The following DNM1L variants were observed in gnomAD, a reference collection of about 807,000 sequenced individuals.
DNM1L encodes dynamin 1L.
A neutral mutation model predicts 92.8 loss-of-function variants in DNM1L; 33 were observed. That is an observed-to-expected ratio of 0.36 (90% CI 0.27 to 0.48). The LOEUF is 0.48. DNM1L is among the 20% of genes least tolerant of loss of function. The pLI, the probability that DNM1L is intolerant of heterozygous loss-of-function variation, is 0.99. For missense variants in DNM1L, 485 were observed against 888.8 expected, an observed-to-expected ratio of 0.55 and a Z score of 5.78; for synonymous variants, 284 against 305.0, an observed-to-expected ratio of 0.93 and a Z score of 0.72.
chr12:32,680,473 G>C (rs1326429062), intron 1 of DNM1L, among the ~76,000 whole-genome samples: 2 of 152,168 alleles, frequency 1.3e-5, no homozygotes, highest in Non-Finnish European at 2.9e-5. Flanking sequence ...CAAAGTATTA[G>C]TGGCTATCCA....
intron 1 of DNM1L, among the ~76,000 whole-genome samples, chr12:32,697,219 ACT>A (rs1017199791): frequency 3.3e-5 from 5 of 151,956 alleles, no homozygotes; most frequent in African/African-American, 1.2e-4. Flanking sequence ...ATAGAGCGAG[ACT>A]CTCTAAAAAA....
intron 7 of DNM1L, among the ~76,000 whole-genome samples, chr12:32,719,365 G>A (rs1284438246): frequency 6.6e-6 from 1 of 152,156 alleles, no homozygotes; most frequent in Non-Finnish European, 1.5e-5. Flanking sequence ...TATGTATGAG[G>A]AGGTACTGGG....
rs1245616307 is a variant in DNM1L, at chr12:32,701,688, T to C, written c.250+126T>C. 3 of 845,308 alleles carry C rather than the reference T, an allele frequency of 3.5e-6. No homozygotes were observed. In the East Asian group the frequency reaches 8.0e-5, roughly 22 times the overall value. The allele number at this position is 845,308 out of a possible 1,614,324, so 52.4% of individuals were successfully genotyped here. On this transcript the variant is annotated intron_variant, in intron 2 of 19. Coordinates refer to ENST00000549701, the MANE Select transcript of DNM1L (RefSeq NM_012062.5). ...GCATAGTTAGAAGTCCTGTGAGAAGTAGTATGCATCTTTCTTAATGTAAAA... is the reference window on the plus strand; with the variant it reads ...GCATAGTTAGAAGTCCTGTGAGAAGCAGTATGCATCTTTCTTAATGTAAAA...
chr12:32,726,352 T>G, intron 9 of DNM1L: 2 of 1,563,816 alleles, frequency 1.3e-6, no homozygotes, highest in South Asian at 1.1e-5. Context: ...ACAGTGCAGG[T>G]TATCCTCAAG....
chr12:32,694,206 A>G (rs1421250298), intron 1 of DNM1L, among the ~76,000 whole-genome samples: 1 of 152,022 alleles, frequency 6.6e-6, no homozygotes, highest in African/African-American at 2.4e-5. Context: ...GCCTCAGCCT[A>G]TCCTGAGTAG....
chr12:32,696,383 AACACACAC>A lies in DNM1L; in HGVS notation c.103-5006_103-4999del, dbSNP rs58224525. Among the ~76,000 whole-genome samples the A allele has an allele frequency of 3.2e-4, 46 of 145,116 alleles. No homozygotes were observed. The South Asian group carries it at 3.6e-3, about 11-fold the overall frequency. On this transcript the variant is annotated intron_variant, in intron 1 of 19. Transcript: ENST00000549701. ...GAGACCCTGTCTACACACACACACA[AACACACAC>A]ACACACACACACACACACACACACA...
rs538245855 is a variant in DNM1L, at chr12:32,738,239, C to T, written c.1675-25C>T. On this transcript the variant is annotated intron_variant, in intron 15 of 19. Transcript: ENST00000549701. ...TATTTAAATTTTGCTTGTTAAATTGCATGTTTTAACATATCTTTTAACAGT... is the reference window on the plus strand; with the variant it reads ...TATTTAAATTTTGCTTGTTAAATTGTATGTTTTAACATATCTTTTAACAGT... 58 of 1,612,218 alleles carry T rather than the reference C, an allele frequency of 3.6e-5. No individual in the cohort carries two copies. In the East Asian group the frequency reaches 5.4e-4, roughly 15 times the overall value.
At chr12:32,727,396 G>T in intron 9 of DNM1L, 1 of 768,472 alleles carries the variant, frequency 1.3e-6, no homozygotes, top group Admixed American at 1.7e-5. Flanking sequence ...CCAAATATCA[G>T]TGGCTACTAT....
At chr12:32,704,349 A>G (rs1312006308) in intron 2 of DNM1L, among the ~76,000 whole-genome samples, 1 of 152,136 alleles carries the variant, frequency 6.6e-6, no homozygotes, top group Non-Finnish European at 1.5e-5. Flanking sequence ...CAGGAGTTCG[A>G]GACCAGCCTG....
At chr12:32,701,384 C>G (rs959670325) in intron 1 of DNM1L, 31 bp from the exon 2 acceptor site, 1 of 1,605,616 alleles carries the variant, frequency 6.2e-7, no homozygotes, top group Non-Finnish European at 8.5e-7. Flanking sequence ...TTAAGAAACT[C>G]ATTTTGCTCT....
intron 1 of DNM1L, among the ~76,000 whole-genome samples, chr12:32,695,693 C>CTACTGAGCTA (rs1952417019): frequency 1.3e-5 from 2 of 151,948 alleles, no homozygotes; most frequent in South Asian, 4.2e-4. Context: ...ATCACCTGAG[C>CTACTGAGCTA]CTGGGAAGGT....
At chr12:32,723,707 A>C (rs564107304) in intron 9 of DNM1L, among the ~76,000 whole-genome samples, 293 of 151,934 alleles carry the variant, frequency 1.9e-3, no homozygotes, top group African/African-American at 6.7e-3. Context: ...AAAAAAAAAA[A>C]AAAAAAACAG....
chr12:32,721,895 C>T (rs951872891), intron 8 of DNM1L, among the ~76,000 whole-genome samples: 1 of 152,158 alleles, frequency 6.6e-6, no homozygotes, highest in Non-Finnish European at 1.5e-5. Context: ...CATATACCCA[C>T]TTACTGTAAA....
In DNM1L at chr12:32,720,805, T is replaced by G. The variant is rs1417398771; in HGVS notation, c.872+10T>G. 6.2e-7 allele frequency: 1 copy of G among 1,612,534 alleles called. No individual in the cohort carries two copies. The highest frequency in any genetic ancestry group is 8.5e-7 in the Non-Finnish European group (1 of 1,179,698). On this transcript the variant is annotated intron_variant, in intron 8 of 19. Transcript: ENST00000549701. ...CTAGGACTCTAAACAGGTAATTTTT[T>G]TACCTTTTGGAAATGAGATGTGTTT...
Position 32,693,588 on chromosome 12 carries a change from G to GT in DNM1L, c.103-7819dup, listed in dbSNP as rs66844616. ...ACCCATTTACAATGTGTAATTCAGT[G>GT]TTTTTTTTAGCATATTTATAGAGTC... is the stretch of plus-strand genomic sequence containing the variant. On this transcript the variant is annotated intron_variant, in intron 1 of 19. Coordinates refer to ENST00000549701, the MANE Select transcript of DNM1L (RefSeq NM_012062.5). 4.1e-3 allele frequency among the ~76,000 whole-genome samples: 620 copies of GT among 151,788 alleles called. 3 individuals carry two copies. Among genetic ancestry groups the GT allele is most frequent in the African/African-American group, 0.014 (575 of 41,400 alleles).
chr12:32,685,122 A>G (rs553921821), intron 1 of DNM1L, among the ~76,000 whole-genome samples: 32 of 151,638 alleles, frequency 2.1e-4, no homozygotes, highest in Middle Eastern at 3.5e-3. Flanking sequence ...TGTTTTTAGT[A>G]GAGACAGGGT....
intron 16 of DNM1L, chr12:32,739,827 G>T: frequency 3.8e-6 from 2 of 522,846 alleles, no homozygotes; most frequent in Non-Finnish European, 3.4e-6. Flanking sequence ...GAATTAAATA[G>T]AACATAAGTT....
intron 2 of DNM1L, chr12:32,705,700 G>C: frequency 2.3e-6 from 2 of 862,592 alleles, no homozygotes; most frequent in Non-Finnish European, 3.5e-6. Flanking sequence ...AGTAAATTTT[G>C]AATAATTGAA....
rs1053656884 is a variant in DNM1L, at chr12:32,722,514, T to C, written c.960T>C (p.Asn320=). 1.2e-6 allele frequency: 2 copies of C among 1,613,350 alleles called. No homozygotes were observed. Among genetic ancestry groups the C allele is most frequent in the Non-Finnish European group, 1.7e-6 (2 of 1,179,968 alleles). The change falls in exon 9 of 20, where the codon AAT becomes AAC. Residue 320 remains asparagine, a synonymous_variant. Coordinates refer to ENST00000549701, the MANE Select transcript of DNM1L (RefSeq NM_012062.5). The part of the protein sequence containing the change: ...VLAAQYQSLL[N]SYGEPVDDKS... ...CTGCTCAGTATCAGTCTCTTCTAAA[T>C]AGCTACGGTGAACCCGTGGATGATA...
Sources: gnomAD v4.1 joint callset for allele counts (sites outside exome capture counted in the v4.1 genomes callset) on GRCh38, gnomAD v4.1.1 for gene constraint, MANE v1.5 for transcripts, NCBI Gene and HGNC (gene_info 2026-07-23, HGNC 2026-07-21) for gene names.